Variants in DLG2 observed in about 807,000 individuals in gnomAD.
DLG2 encodes discs large MAGUK scaffold protein 2.
A neutral mutation model predicts 132.5 loss-of-function variants in DLG2; 45 were observed. That is an observed-to-expected ratio of 0.34 (90% confidence interval 0.27 to 0.44). DLG2 has a LOEUF of 0.44. DLG2 is among the 20% of genes least tolerant of loss of function. The pLI, the probability that DLG2 is intolerant of heterozygous loss-of-function variation, is 1.00. For missense variants in DLG2, 1,045 were observed against 1,196.9 expected, an observed-to-expected ratio of 0.87 and a Z score of 1.87; for synonymous variants, 424 against 419.6, an observed-to-expected ratio of 1.01 and a Z score of -0.13.
chr11:84,110,889 C>T (rs1208917975), intron 9 of DLG2, among the ~76,000 whole-genome samples: 1 of 152,162 alleles, frequency 6.6e-6, no homozygotes, highest in Non-Finnish European at 1.5e-5. Flanking sequence ...GTCTGAGGGT[C>T]GCCATTTTGT....
At chr11:83,468,638 G>C (rs1424469302) in intron 25 of DLG2, among the ~76,000 whole-genome samples, 1 of 152,108 alleles carries the variant, frequency 6.6e-6, no homozygotes, top group Non-Finnish European at 1.5e-5. Flanking sequence ...TCCCTCTGTA[G>C]GCAGATTGTG....
intron 18 of DLG2, among the ~76,000 whole-genome samples, chr11:83,665,552 T>C (rs2075343193): frequency 6.6e-6 from 1 of 152,220 alleles, no homozygotes; most frequent in Non-Finnish European, 1.5e-5. Context: ...TCAACAGATA[T>C]TGTGATTCAA....
chr11:84,789,429 T>C lies in DLG2; in HGVS notation c.358-254698A>G, dbSNP rs567375554. Reference sequence around the variant, plus strand: ...TTTTTTTCCTAATTTTTATTTTTTGTGGGTATATAGTAGGCACATATATTT... The same window carrying C: ...TTTTTTTCCTAATTTTTATTTTTTGCGGGTATATAGTAGGCACATATATTT... On this transcript the variant is annotated intron_variant, in intron 6 of 27. Coordinates refer to ENST00000376104, the MANE Select transcript of DLG2 (RefSeq NM_001142699.3). Among the ~76,000 whole-genome samples, 3 of 152,290 alleles carry C rather than the reference T, an allele frequency of 2.0e-5. No homozygotes were observed. The South Asian group carries it at 6.2e-4, about 32-fold the overall frequency.
At chr11:84,538,140 G>A (rs1013649010) in intron 6 of DLG2, among the ~76,000 whole-genome samples, 3 of 152,194 alleles carry the variant, frequency 2.0e-5, no homozygotes, top group Admixed American at 6.5e-5. Flanking sequence ...AGTTCTGTGG[G>A]AGCAGAAATG....
intron 3 of DLG2, among the ~76,000 whole-genome samples, chr11:85,484,279 A>C (rs2093374676): frequency 8.6e-6 from 1 of 115,786 alleles, no homozygotes; most frequent in South Asian, 2.9e-4. Flanking sequence ...ACCATTCAGG[A>C]CATAGGCATG....
intron 3 of DLG2, among the ~76,000 whole-genome samples, chr11:85,513,661 T>C (rs2094120760): frequency 1.3e-5 from 2 of 151,980 alleles, no homozygotes; most frequent in African/African-American, 4.8e-5. Flanking sequence ...TTCCATGTCT[T>C]AATCTCCATT....
At chr11:84,139,392 T>C (rs2094742503) in intron 9 of DLG2, among the ~76,000 whole-genome samples, 1 of 151,984 alleles carries the variant, frequency 6.6e-6, no homozygotes, top group Non-Finnish European at 1.5e-5. Context: ...TAGGAAATAG[T>C]TAAAGAAATG....
In DLG2 at chr11:83,810,235, G is replaced by T. The variant is rs1031043345; in HGVS notation, c.1722+23379C>A. Among the ~76,000 whole-genome samples the T allele has an allele frequency of 3.9e-5, 6 of 152,132 alleles. No individual in the cohort carries two copies. In the East Asian group the frequency reaches 9.7e-4, roughly 24 times the overall value. Reference sequence around the variant, plus strand: ...TTTCAACCAAAAAAACTTGTATTTAGCTGCCTTCTTTCTCACACCTATAAG... The same window carrying T: ...TTTCAACCAAAAAAACTTGTATTTATCTGCCTTCTTTCTCACACCTATAAG... On this transcript the variant is annotated intron_variant, in intron 17 of 27. Transcript: ENST00000376104.
chr11:83,556,775 C>A (rs1302047679), intron 19 of DLG2, among the ~76,000 whole-genome samples: 1 of 152,122 alleles, frequency 6.6e-6, no homozygotes, highest in Non-Finnish European at 1.5e-5. Flanking sequence ...ATAAATTGGG[C>A]AGAAAAGCAT....
At chr11:85,116,712 C>A (rs2073643224) in intron 5 of DLG2, among the ~76,000 whole-genome samples, 1 of 151,654 alleles carries the variant, frequency 6.6e-6, no homozygotes, top group African/African-American at 2.4e-5. Flanking sequence ...ATTGGAAGTC[C>A]TAAGACACCA....
intron 18 of DLG2, among the ~76,000 whole-genome samples, chr11:83,742,384 A>G (rs2092592335): frequency 6.6e-6 from 1 of 152,176 alleles, no homozygotes; most frequent in African/African-American, 2.4e-5. Flanking sequence ...GAGAAAAATA[A>G]ATAGTACTCT....
chr11:83,735,506 T>C (rs1359315087), intron 18 of DLG2, among the ~76,000 whole-genome samples: 1 of 152,182 alleles, frequency 6.6e-6, no homozygotes, highest in Non-Finnish European at 1.5e-5. Context: ...TAATTTAGGT[T>C]TACCATTATC....
intron 6 of DLG2, among the ~76,000 whole-genome samples, chr11:84,998,867 C>G (rs2057943051): frequency 6.6e-6 from 1 of 152,064 alleles, no homozygotes; most frequent in South Asian, 2.1e-4. Context: ...ACCAGACATG[C>G]TATTCCTAAA....
At chr11:84,035,731 G>T (rs2095847763) in intron 11 of DLG2, among the ~76,000 whole-genome samples, 2 of 152,168 alleles carry the variant, frequency 1.3e-5, no homozygotes, top group South Asian at 4.1e-4. Flanking sequence ...GTTGTGTGAA[G>T]AGACTGTAGA....
chr11:85,332,854 A>G (rs145201138), intron 3 of DLG2, among the ~76,000 whole-genome samples: 1,770 of 152,190 alleles, frequency 0.012, 19 homozygotes, highest in Middle Eastern at 0.02. Flanking sequence ...GTTACTGTAG[A>G]CTTGTAGTAT....
At chr11:84,731,075 G>C (rs1726967573) in intron 6 of DLG2, among the ~76,000 whole-genome samples, 1 of 152,038 alleles carries the variant, frequency 6.6e-6, no homozygotes. Flanking sequence ...TTTTGGTACA[G>C]TGTGTGAGTT....
chr11:85,574,424 C>CA (rs781533239), intron 3 of DLG2, among the ~76,000 whole-genome samples: 1,609 of 116,552 alleles, frequency 0.014, 25 homozygotes, highest in African/African-American at 0.038. Flanking sequence ...GCTGCTCAGG[C>CA]AAAAAAAAAA....
At chr11:85,335,141 C>T (rs1319102119) in intron 3 of DLG2, among the ~76,000 whole-genome samples, 1 of 151,936 alleles carries the variant, frequency 6.6e-6, no homozygotes, top group Non-Finnish European at 1.5e-5. Flanking sequence ...GTTAAGTCTT[C>T]TCGTTGAATT....
chr11:83,658,497 A>G (rs932743363), intron 18 of DLG2, among the ~76,000 whole-genome samples: 5 of 152,384 alleles, frequency 3.3e-5, no homozygotes, highest in African/African-American at 1.2e-4. Flanking sequence ...CTTAGTAGCT[A>G]AAGTATATTT....
Sources: gnomAD v4.1 joint callset for allele counts (sites outside exome capture counted in the v4.1 genomes callset) on GRCh38, gnomAD v4.1.1 for gene constraint, MANE v1.5 for transcripts, NCBI Gene and HGNC (gene_info 2026-07-23, HGNC 2026-07-21) for gene names.